LETMD1: variants seen among roughly 807,000 people sequenced by gnomAD.
LETMD1 encodes the protein LETM1 domain containing 1, also known as LETM1 domain-containing protein 1.
LETMD1 carries 30 observed loss-of-function variants against 43.9 expected under a neutral mutation model. The observed-to-expected ratio is 0.68, with a 90% confidence interval of 0.51 to 0.93. LETMD1 has a LOEUF of 0.93. Ranked by LOEUF, LETMD1 falls within the 40% of genes least tolerant of loss-of-function variation. The probability of loss-of-function intolerance (pLI) is 0.00; values close to 1 mark genes in which losing one functional copy is unlikely to be tolerated. For missense variants in LETMD1, 413 were observed against 447.7 expected, an observed-to-expected ratio of 0.92 and a Z score of 0.70; for synonymous variants, 176 against 163.1, an observed-to-expected ratio of 1.08 and a Z score of -0.60.
the LETMD1 span, among the ~76,000 whole-genome samples, chr12:51,067,005 T>C: frequency 1.4e-5 from 2 of 141,884 alleles, no homozygotes; most frequent in Non-Finnish European, 3.0e-5. This position sits in a 1 kb window ranked among gnomAD's most constrained non-coding sequence, Gnocchi z 4.1. Context: ...AATTTTTGTA[T>C]TTTTTGTAAA....
chr12:51,063,952 C>T (rs1326384957), downstream of LETMD1: 5 of 1,612,890 alleles, frequency 3.1e-6, no homozygotes, highest in African/African-American at 6.7e-5. Context: ...GGTGTTTTCC[C>T]CACCTCTGAT....
chr12:51,056,127 C>T lies in LETMD1; in HGVS notation c.661-17C>T, dbSNP rs1471402338. On this transcript the variant is annotated splice_polypyrimidine_tract_variant and intron_variant, in intron 5 of 8. Transcript: ENST00000262055. ...CAGGACTTTCCTAACATCTACAAATCTCTTACCTCTTCCAAGATACAGCGT... is the reference window on the plus strand; with the variant it reads ...CAGGACTTTCCTAACATCTACAAATTTCTTACCTCTTCCAAGATACAGCGT... 11 of 1,613,048 alleles carry T rather than the reference C, an allele frequency of 6.8e-6. No individual in the cohort carries two copies. The highest frequency in any genetic ancestry group is 1.3e-5 in the African/African-American group (1 of 75,018).
the LETMD1 span, among the ~76,000 whole-genome samples, chr12:51,066,564 CCAGGAGGTGGAGGTAG>C: frequency 6.6e-6 from 1 of 151,696 alleles, no homozygotes; most frequent in African/African-American, 2.4e-5. Flanking sequence ...TCACTTGAAC[CCAGGAGGTGGAGGTAG>C]CAGTGAGCCA....
rs143182608 is a variant in LETMD1 at position 51,050,229 on chromosome 12, T to G, written c.274+1044T>G. Among the ~76,000 whole-genome samples, 868 of 129,860 alleles carry G rather than the reference T, an allele frequency of 6.7e-3. 3 individuals carry two copies. The highest frequency in any genetic ancestry group is 0.037 in the East Asian group (192 of 5,136). 85.2% of individuals were successfully genotyped at this position (129,860 alleles called of 152,430 possible). Reference sequence around the variant, plus strand: ...GTGTTTGTTTTTAAACTTTTTATTATGAATTTTTTTTTTTTTTGAGTCTCA... The same window carrying G: ...GTGTTTGTTTTTAAACTTTTTATTAGGAATTTTTTTTTTTTTTGAGTCTCA... On this transcript the variant is annotated intron_variant, in intron 2 of 8. Coordinates refer to ENST00000262055, the MANE Select transcript of LETMD1 (RefSeq NM_015416.5).
chr12:51,059,442 G>A lies in LETMD1; in HGVS notation c.*11G>A. The A allele has an allele frequency of 6.2e-7, 1 of 1,612,598 alleles. No individual in the cohort carries two copies. The highest frequency in any genetic ancestry group is 2.2e-5 in the East Asian group (1 of 44,878). On this transcript the variant is annotated 3_prime_UTR_variant, in exon 9 of 9. Transcript: ENST00000262055. ...GGGACAAGGCGCTGAATGAACCATGGAGCGGATGGCATTGTCCTGCAGTCG... is the reference window on the plus strand; with the variant it reads ...GGGACAAGGCGCTGAATGAACCATGAAGCGGATGGCATTGTCCTGCAGTCG...
chr12:51,056,219 A>T lies in LETMD1; in HGVS notation c.736A>T (p.Met246Leu). 6 of 1,614,252 alleles carry T rather than the reference A, an allele frequency of 3.7e-6. No individual in the cohort carries two copies. Among genetic ancestry groups the T allele is most frequent in the Non-Finnish European group, 5.1e-6 (6 of 1,180,034 alleles). ...GTGTTTCTCTAACCATCCTCTGGGC[A>T]TGAACCAACTCCAGGCTTTGCACGT... ...RECFSNHPLG[M>L]NQLQALHVKA... Residue 246 changes from methionine to leucine, a missense_variant, in exon 6 of 9, where the codon ATG becomes TTG. Transcript: ENST00000262055.
chr12:51,055,726 G>T, intron 4 of LETMD1, 109 bp from the exon 5 acceptor site: 4 of 480,746 alleles, frequency 8.3e-6, no homozygotes, highest in Non-Finnish European at 1.5e-5. Context: ...TAGGGAAATA[G>T]TGTCTCCATC....
upstream of LETMD1, chr12:51,048,298 C>T (rs76256490): frequency 1.4e-3 from 2,221 of 1,611,660 alleles, 3 homozygotes; most frequent in Non-Finnish European, 1.7e-3. Flanking sequence ...ACGAACGCGA[C>T]GTACGGTTAA....
Position 51,059,860 on chromosome 12 carries a change from G to A in LETMD1, c.*429G>A. 1 of 171,912 alleles carries A rather than the reference G, an allele frequency of 5.8e-6. No individual in the cohort carries two copies. The highest frequency in any genetic ancestry group is 5.7e-5 in the Admixed American group (1 of 17,484). The allele number at this position is 171,912 out of a possible 1,614,324, so 10.6% of individuals were successfully genotyped here. On this transcript the variant is annotated 3_prime_UTR_variant, in exon 9 of 9. Coordinates refer to ENST00000262055, the MANE Select transcript of LETMD1 (RefSeq NM_015416.5). ...TGTTGCTGTTAGAAAATTTGTGGCT[G>A]GTGAAAACAGCACTCCTTTGGCTGG...
downstream of LETMD1, chr12:51,064,331 C>T: frequency 6.2e-7 from 1 of 1,614,196 alleles, no homozygotes; most frequent in East Asian, 2.2e-5. Flanking sequence ...TGCTCGAGTC[C>T]AGGCTGGCAC....
At position 51,048,406 on chromosome 12, in the gene LETMD1, C is replaced by T. The variant is rs1944930165; in HGVS notation, c.50C>T (p.Ala17Val). ...CWARSAVWGS[A>V]VTPGHFVTRR... ...GCTCGGTCGGCTGTGTGGGGCTCGG[C>T]AGTCACCCCTGGACATTTTGTCACC... Residue 17 changes from alanine (A) to valine (V), a missense_variant, in exon 1 of 9, where the codon GCA becomes GTA. By Grantham distance (64) the Ala-to-Val change is moderately conservative. Coordinates refer to ENST00000262055, the MANE Select transcript of LETMD1 (RefSeq NM_015416.5). 1.2e-6 allele frequency: 2 copies of T among 1,613,488 alleles called. No homozygotes were observed. The highest frequency in any genetic ancestry group is 2.2e-5 in the East Asian group (1 of 44,828).
chr12:51,049,368 A>G, intron 2 of LETMD1, 183 bp downstream of exon 2: 1 of 554,204 alleles, frequency 1.8e-6, no homozygotes, highest in Non-Finnish European at 3.1e-6. Context: ...ATGTTTCTAG[A>G]AAGATGTTAT....
chr12:51,063,856 G>C (rs200413608), downstream of LETMD1: 379 of 1,614,024 alleles, frequency 2.3e-4, no homozygotes, highest in Non-Finnish European at 3.0e-4. Context: ...CGGAAGGGGA[G>C]GCTTGAGGGG....
At chr12:51,051,511 G>GCCTGTCAGGAGTTAAAGACC (rs1946136652) in intron 2 of LETMD1, among the ~76,000 whole-genome samples, 2 of 152,116 alleles carry the variant, frequency 1.3e-5, no homozygotes, top group Non-Finnish European at 2.9e-5. Flanking sequence ...AGTTAAAGAC[G>GCCTGTCAGGAGTTAAAGACC]AGCCTGTCCA....
chr12:51,065,657 G>A, the LETMD1 span, among the ~76,000 whole-genome samples: 2 of 151,948 alleles, frequency 1.3e-5, no homozygotes, highest in East Asian at 1.9e-4. Context: ...ATGGGGTCTC[G>A]CTATGTTGCC....
intron 2 of LETMD1, among the ~76,000 whole-genome samples, chr12:51,051,432 G>A (rs1377670171): frequency 6.6e-6 from 1 of 151,696 alleles, no homozygotes; most frequent in Admixed American, 6.6e-5. Context: ...TCCAGGCCGG[G>A]CGCAGTGACT....
intron 7 of LETMD1, chr12:51,056,871 C>A: frequency 5.4e-6 from 1 of 185,612 alleles, no homozygotes; most frequent in South Asian, 9.9e-5. Flanking sequence ...AGGCTGATCT[C>A]AAACCCCTGG....
chr12:51,049,548 A>G (rs1245091520), intron 2 of LETMD1: 4 of 186,324 alleles, frequency 2.1e-5, no homozygotes, highest in Non-Finnish European at 3.4e-5. Flanking sequence ...CCATAGGAAA[A>G]TGAGGTCTAA....
rs192436730 is a variant in LETMD1 at position 51,050,464 on chromosome 12, G to A, written c.274+1279G>A. 6.9e-3 allele frequency among the ~76,000 whole-genome samples: 1,039 copies of A among 151,466 alleles called. 5 individuals carry two copies. The highest frequency in any genetic ancestry group is 0.01 in the Non-Finnish European group (700 of 67,832). ...TCTCTAACTCCTGACCTCGTGATCC[G>A]CCTGCCTCGGCTTCCCAAAGTGCTG... is the stretch of plus-strand genomic sequence containing the variant. On this transcript the variant is annotated intron_variant, in intron 2 of 8. Transcript: ENST00000262055.
Sources: allele counts gnomAD v4.1 joint callset (sites outside exome capture counted in the v4.1 genomes callset), GRCh38; gene constraint gnomAD v4.1.1; non-coding constraint Gnocchi (gnomAD v3.1); transcripts MANE v1.5; gene names NCBI Gene and HGNC (gene_info 2026-07-23, HGNC 2026-07-21).